The following SDK1 variants were observed in gnomAD, a reference collection of about 807,000 sequenced individuals.
The protein encoded by SDK1 is sidekick cell adhesion molecule 1, also known as protein sidekick-1.
SDK1 carries 157 observed loss-of-function variants against 245.5 expected under a neutral mutation model. The observed-to-expected ratio is 0.64, with a 90% CI of 0.56 to 0.73. The LOEUF is 0.73. Ranked by LOEUF, SDK1 falls within the 30% of genes least tolerant of loss-of-function variation. The pLI, the probability that SDK1 is intolerant of heterozygous loss-of-function variation, is 0.00. For synonymous variants in SDK1, 1,647 were observed against 1,278.5 expected (o/e 1.29, Z -6.15); for missense variants, 3,583 against 3,002.3 (o/e 1.19, Z -4.52).
chr7:3,598,810 G>C (rs2341586), intron 1 of SDK1, among the ~76,000 whole-genome samples: 36,058 of 152,098 alleles, frequency 0.24, 4,480 homozygotes, highest in South Asian at 0.29. Context: ...CATTTTATTA[G>C]TGAGTAGTAA....
At chr7:3,637,421 C>G (rs1417210336) in intron 2 of SDK1, among the ~76,000 whole-genome samples, 1 of 152,170 alleles carries the variant, frequency 6.6e-6, no homozygotes, top group Non-Finnish European at 1.5e-5. Flanking sequence ...GATATTAGCT[C>G]TTAGCTATAT....
At chr7:3,581,261 AAAC>A (rs986006256) in intron 1 of SDK1, among the ~76,000 whole-genome samples, 4 of 152,206 alleles carry the variant, frequency 2.6e-5, no homozygotes, top group African/African-American at 9.6e-5. Context: ...TTTACAAAAA[AAAC>A]CTATTAATCG....
chr7:3,404,000 C>T (rs1253150539), intron 1 of SDK1, among the ~76,000 whole-genome samples: 1 of 150,614 alleles, frequency 6.6e-6, no homozygotes, highest in African/African-American at 2.4e-5. Flanking sequence ...TTTCCCAGTG[C>T]ATATAAAAGT....
intron 4 of SDK1, among the ~76,000 whole-genome samples, chr7:3,793,543 G>A (rs569657864): frequency 4.9e-4 from 75 of 152,274 alleles, no homozygotes; most frequent in African/African-American, 1.8e-3. Flanking sequence ...AAGTGGACCC[G>A]TGATCCTCTG....
chr7:3,622,547 G>C (rs74572540), intron 2 of SDK1, among the ~76,000 whole-genome samples: 1 of 152,098 alleles, frequency 6.6e-6, no homozygotes, highest in South Asian at 2.1e-4. Flanking sequence ...ACAAAAAACT[G>C]TTATATATGC....
At chr7:3,549,141 G>T (rs1372983408) in intron 1 of SDK1, among the ~76,000 whole-genome samples, 1 of 152,208 alleles carries the variant, frequency 6.6e-6, no homozygotes, top group Non-Finnish European at 1.5e-5. Context: ...CTGTGTGAAG[G>T]CTTCCTCCTG....
intron 1 of SDK1, among the ~76,000 whole-genome samples, chr7:3,559,711 C>G (rs1220635547): frequency 7.1e-6 from 1 of 140,012 alleles, no homozygotes; most frequent in African/African-American, 2.7e-5. Context: ...ATTTGAACCT[C>G]AAGGTAACGC....
In SDK1 at chr7:3,344,767, A is replaced by G. The variant is rs73290084; in HGVS notation, c.298+42883A>G. On this transcript the variant is annotated intron_variant, in intron 1 of 44. Transcript: ENST00000404826. Reference sequence around the variant, plus strand: ...TAATTTACCTTTTCATATATACTGCAGGAGTGTCCCTGGTAGTAAGTTCTG... The same window carrying G: ...TAATTTACCTTTTCATATATACTGCGGGAGTGTCCCTGGTAGTAAGTTCTG... 6.0e-3 allele frequency among the ~76,000 whole-genome samples: 914 copies of G among 152,300 alleles called. 9 individuals are homozygous for G. Among genetic ancestry groups the G allele is most frequent in the African/African-American group, 0.021 (885 of 41,562 alleles).
chr7:3,386,313 G>A (rs999919815), intron 1 of SDK1, among the ~76,000 whole-genome samples: 1 of 152,166 alleles, frequency 6.6e-6, no homozygotes, highest in Non-Finnish European at 1.5e-5. Flanking sequence ...GCAGATTGCA[G>A]TTTTAGCTAT....
intron 5 of SDK1, among the ~76,000 whole-genome samples, chr7:3,924,765 A>G (rs1441053339): frequency 6.6e-6 from 1 of 151,972 alleles, no homozygotes; most frequent in Non-Finnish European, 1.5e-5. Context: ...GAATTTCTTT[A>G]CCCGTCGCCC....
At chr7:3,724,211 C>T (rs1187713267) in intron 4 of SDK1, among the ~76,000 whole-genome samples, 1 of 151,964 alleles carries the variant, frequency 6.6e-6, no homozygotes, top group Non-Finnish European at 1.5e-5. Flanking sequence ...GTGATCCACC[C>T]ACCTTGGCCT....
chr7:3,346,473 C>T (rs546971796), intron 1 of SDK1, among the ~76,000 whole-genome samples: 1 of 152,062 alleles, frequency 6.6e-6, no homozygotes, highest in Non-Finnish European at 1.5e-5. Context: ...GCTGTGCTTT[C>T]TGGTGCCCTT....
chr7:3,708,236 G>C (rs1281091000), intron 4 of SDK1, among the ~76,000 whole-genome samples: 2 of 152,146 alleles, frequency 1.3e-5, no homozygotes, highest in Non-Finnish European at 2.9e-5. Context: ...GACAGTACCA[G>C]GAGGGGTGGC....
chr7:3,441,580 T>C (rs913572702), intron 1 of SDK1, among the ~76,000 whole-genome samples: 1 of 152,182 alleles, frequency 6.6e-6, no homozygotes, highest in Non-Finnish European at 1.5e-5. Flanking sequence ...TGTGTCTCTT[T>C]GCAACCACTC....
chr7:3,654,870 A>G (rs563179774), intron 4 of SDK1, among the ~76,000 whole-genome samples: 6 of 152,334 alleles, frequency 3.9e-5, no homozygotes, highest in Middle Eastern at 3.4e-3. Context: ...TCTTGTGACA[A>G]TAATGCATTT....
At chr7:4,142,581 C>T (rs547387644) in intron 28 of SDK1, among the ~76,000 whole-genome samples, 3 of 152,288 alleles carry the variant, frequency 2.0e-5, no homozygotes, top group Non-Finnish European at 4.4e-5. Context: ...CCCACCTCGG[C>T]CTCCCAAAGT....
chr7:4,076,575 T>G (rs368708907), intron 20 of SDK1, among the ~76,000 whole-genome samples: 4 of 128,962 alleles, frequency 3.1e-5, no homozygotes, highest in African/African-American at 1.2e-4. Context: ...TACATACATA[T>G]ATACATACAT....
chr7:3,762,520 G>C (rs558754400), intron 4 of SDK1, among the ~76,000 whole-genome samples: 34 of 152,338 alleles, frequency 2.2e-4, no homozygotes, highest in Non-Finnish European at 4.0e-4. Flanking sequence ...TGCTGCAAAT[G>C]CAATTACTGA....
intron 1 of SDK1, among the ~76,000 whole-genome samples, chr7:3,564,089 A>T (rs1415153451): frequency 6.6e-6 from 1 of 152,122 alleles, no homozygotes; most frequent in African/African-American, 2.4e-5. Context: ...TAGTTTATTA[A>T]ACATATAGTT....
Sources: allele counts gnomAD v4.1 joint callset (sites outside exome capture counted in the v4.1 genomes callset), GRCh38; gene constraint gnomAD v4.1.1; transcripts MANE v1.5; gene names NCBI Gene and HGNC (gene_info 2026-07-23, HGNC 2026-07-21).